The following CHRM3 variants were observed in gnomAD, a reference collection of about 807,000 sequenced individuals.
CHRM3 encodes the protein cholinergic receptor muscarinic 3, also known as muscarinic acetylcholine receptor M3.
A neutral mutation model predicts 41.8 loss-of-function variants in CHRM3; 11 were observed. The observed-to-expected ratio is 0.26, with a 90% CI of 0.17 to 0.44. The LOEUF (loss-of-function observed/expected upper bound fraction) is 0.44. Ranked by LOEUF, CHRM3 falls within the 20% of genes least tolerant of loss-of-function variation. CHRM3 has a pLI of 1.00. For missense variants in CHRM3, 571 were observed against 745.4 expected (o/e 0.77, Z 2.72); for synonymous variants, 297 against 301.4 (o/e 0.99, Z 0.15).
intron 6 of CHRM3, among the ~76,000 whole-genome samples, chr1:239,858,830 A>G (rs1404426853): frequency 1.3e-5 from 2 of 152,150 alleles, no homozygotes; most frequent in Admixed American, 1.3e-4. Flanking sequence ...CATATAGTGG[A>G]TATTTTATAT....
At chr1:239,639,919 T>C (rs1179018664) in intron 4 of CHRM3, among the ~76,000 whole-genome samples, 1 of 149,850 alleles carries the variant, frequency 6.7e-6, no homozygotes, top group East Asian at 2.0e-4. Context: ...ATAGCTCTTA[T>C]TATTTTGAGA....
intron 5 of CHRM3, among the ~76,000 whole-genome samples, chr1:239,780,109 G>A (rs1412410881): frequency 6.6e-6 from 1 of 152,162 alleles, no homozygotes; most frequent in Non-Finnish European, 1.5e-5. Context: ...AGGCTTTTGT[G>A]TGGACATAAG....
At chr1:239,541,628 C>T (rs1227360598) in intron 2 of CHRM3, among the ~76,000 whole-genome samples, 1 of 152,174 alleles carries the variant, frequency 6.6e-6, no homozygotes, top group African/African-American at 2.4e-5. Context: ...CCTTCCACCT[C>T]AGCCTCCCAA....
chr1:239,889,183 T>C (rs753122239), intron 6 of CHRM3, among the ~76,000 whole-genome samples: 13 of 152,134 alleles, frequency 8.5e-5, no homozygotes, highest in Non-Finnish European at 1.9e-4. Flanking sequence ...GGTTTATAGA[T>C]GCCTGGTGAG....
intron 3 of CHRM3, among the ~76,000 whole-genome samples, chr1:239,557,000 A>ACTGGAT (rs1055048653): frequency 3.3e-5 from 5 of 152,152 alleles, no homozygotes; most frequent in African/African-American, 1.2e-4. Context: ...TTAAATAGTA[A>ACTGGAT]CTGGATCTTG....
chr1:239,435,268 C>A (rs1326059610), intron 1 of CHRM3, among the ~76,000 whole-genome samples: 2 of 151,800 alleles, frequency 1.3e-5, no homozygotes, highest in Non-Finnish European at 2.9e-5. Flanking sequence ...TGGCCAATAT[C>A]ATGAAACCCC....
chr1:239,390,834 C>A (rs1658970051), intron 1 of CHRM3, among the ~76,000 whole-genome samples: 1 of 152,088 alleles, frequency 6.6e-6, no homozygotes, highest in African/African-American at 2.4e-5. Flanking sequence ...GTCTTCAATG[C>A]AAGAAATAAA....
At chr1:239,513,679 G>A (rs1669072447) in intron 2 of CHRM3, among the ~76,000 whole-genome samples, 1 of 152,072 alleles carries the variant, frequency 6.6e-6, no homozygotes, top group African/African-American at 2.4e-5. Flanking sequence ...CGTCTTTGGT[G>A]TTTTATCTAA....
intron 3 of CHRM3, among the ~76,000 whole-genome samples, chr1:239,562,128 T>G (rs1660913018): frequency 6.6e-6 from 1 of 152,180 alleles, no homozygotes; most frequent in Non-Finnish European, 1.5e-5. Context: ...ATTTTGAAAT[T>G]TAAGACATCT....
intron 1 of CHRM3, among the ~76,000 whole-genome samples, chr1:239,435,403 T>G (rs554105589): frequency 1.3e-5 from 2 of 151,032 alleles, no homozygotes; most frequent in African/African-American, 2.4e-5. Flanking sequence ...GAGCCGAGAT[T>G]GCACCACTGC....
intron 5 of CHRM3, among the ~76,000 whole-genome samples, chr1:239,801,601 T>C (rs954923264): frequency 8.5e-5 from 13 of 152,302 alleles, no homozygotes; most frequent in African/African-American, 2.9e-4. Context: ...AGAAAATCAA[T>C]ACTTTCTCAC....
At chr1:239,836,423 TTG>T (rs1673322605) in intron 6 of CHRM3, among the ~76,000 whole-genome samples, 2 of 152,180 alleles carry the variant, frequency 1.3e-5, no homozygotes, top group African/African-American at 4.8e-5. Context: ...TGTATTTCAA[TTG>T]ATAAAAATAT....
intron 5 of CHRM3, among the ~76,000 whole-genome samples, chr1:239,818,286 A>G (rs1202809469): frequency 1.3e-5 from 2 of 152,130 alleles, no homozygotes; most frequent in Non-Finnish European, 2.9e-5. Context: ...CAACCTTGGG[A>G]CTTCATTTAA....
intron 5 of CHRM3, among the ~76,000 whole-genome samples, chr1:239,695,632 A>T (rs1660112473): frequency 6.6e-6 from 1 of 152,072 alleles, no homozygotes; most frequent in African/African-American, 2.4e-5. Context: ...ATGCAAAGTT[A>T]TGCTATAAGG....
intron 3 of CHRM3, among the ~76,000 whole-genome samples, chr1:239,549,261 A>G (rs1659581834): frequency 6.6e-6 from 1 of 152,144 alleles, no homozygotes; most frequent in African/African-American, 2.4e-5. Flanking sequence ...CTAAACAGAC[A>G]GATTTTTGTG....
At chr1:239,873,359 A>G (rs924268585) in intron 6 of CHRM3, among the ~76,000 whole-genome samples, 4 of 151,588 alleles carry the variant, frequency 2.6e-5, no homozygotes, top group Non-Finnish European at 4.4e-5. Context: ...TTTTTTATTT[A>G]TTTTTATTAT....
chr1:239,840,482 T>C (rs1673702489), intron 6 of CHRM3, among the ~76,000 whole-genome samples: 1 of 152,152 alleles, frequency 6.6e-6, no homozygotes, highest in Non-Finnish European at 1.5e-5. Flanking sequence ...TGACAGATAA[T>C]ACACAAAAAA....
chr1:239,875,701 C>T (rs1487203036), intron 6 of CHRM3, among the ~76,000 whole-genome samples: 2 of 152,082 alleles, frequency 1.3e-5, no homozygotes, highest in Non-Finnish European at 2.9e-5. Flanking sequence ...ATTCATTTTG[C>T]CCCACATTGT....
intron 4 of CHRM3, among the ~76,000 whole-genome samples, chr1:239,677,180 G>C (rs1658095029): frequency 1.3e-5 from 2 of 152,072 alleles, no homozygotes; most frequent in Non-Finnish European, 2.9e-5. Flanking sequence ...CATCCTGAAT[G>C]GGGGTGATCT....
Sources: allele counts gnomAD v4.1 joint callset (sites outside exome capture counted in the v4.1 genomes callset), GRCh38; gene constraint gnomAD v4.1.1; transcripts MANE v1.5; gene names NCBI Gene and HGNC (gene_info 2026-07-23, HGNC 2026-07-21).